The following C22orf15 variants were observed in gnomAD, a reference collection of about 807,000 sequenced individuals.
C22orf15 encodes chromosome 22 open reading frame 15.
In C22orf15, 21 loss-of-function variants were observed where a neutral mutation model predicts 20.3. The ratio of observed to expected loss-of-function variants is 1.04; its 90% CI spans 0.74 to 1.49. The LOEUF is 1.49. Ranked by LOEUF, C22orf15 falls within the 40% of genes most tolerant of loss-of-function variation. The pLI is 0.00. For synonymous variants in C22orf15, 78 were observed against 75.4 expected, an observed-to-expected ratio of 1.03 and a Z score of -0.18; for missense variants, 170 against 191.1, an observed-to-expected ratio of 0.89 and a Z score of 0.65.
chr22:23,763,184 C>G lies in C22orf15; in HGVS notation c.-123C>G, dbSNP rs902152733. 2 of 1,348,722 alleles carry G rather than the reference C, an allele frequency of 1.5e-6. No homozygotes were observed. Among genetic ancestry groups the G allele is most frequent in the Admixed American group, 4.3e-5 (2 of 46,202 alleles). The allele number at this position is 1,348,722 out of a possible 1,614,324, so 83.5% of individuals were successfully genotyped here. ...CCTGGGACCCAGCCATCCACACTCA[C>G]ACATCCACTTCTCCCTCCAGAGCCC... On this transcript the variant is annotated 5_prime_UTR_variant, in exon 1 of 6. Coordinates refer to ENST00000402217, the MANE Select transcript of C22orf15 (RefSeq NM_182520.3).
In C22orf15 at chr22:23,765,109, C is replaced by A. The variant is rs934745403; in HGVS notation, c.435+207C>A. Reference sequence around the variant, plus strand: ...CCTGAGACAGGTCCCCACCACCCCACGGGAGTGCCAGCGCACTAAGGGCCG... The same window carrying A: ...CCTGAGACAGGTCCCCACCACCCCAAGGGAGTGCCAGCGCACTAAGGGCCG... On this transcript the variant is annotated intron_variant, in intron 5 of 5. Coordinates refer to ENST00000402217, the MANE Select transcript of C22orf15 (RefSeq NM_182520.3). The A allele has an allele frequency of 8.3e-6, 12 of 1,437,128 alleles. No individual in the cohort carries two copies. The African/African-American group carries it at 1.6e-4, about 19-fold the overall frequency. The allele number at this position is 1,437,128 out of a possible 1,614,324, so 89.0% of individuals were successfully genotyped here.
rs553084253 is a variant in C22orf15, at chr22:23,763,269, G to A, written c.-38G>A. On this transcript the variant is annotated 5_prime_UTR_variant, in exon 1 of 6. Coordinates refer to ENST00000402217, the MANE Select transcript of C22orf15 (RefSeq NM_182520.3). The stretch of plus-strand genomic sequence containing the variant: ...TTAGTTGGGGAATCGAGAGTTGGGG[G>A]ATCAAAGCCCCCCACATCTCCCTCA... 1.2e-5 allele frequency: 19 copies of A among 1,549,802 alleles called. No homozygotes were observed. In the South Asian group the frequency reaches 2.1e-4, roughly 18 times the overall value.
Position 23,765,298 on chromosome 22 carries a change from C to T in C22orf15, c.435+396C>T, listed in dbSNP as rs1926592688. 5 of 1,532,960 alleles carry T rather than the reference C, an allele frequency of 3.3e-6. No homozygotes were observed. In the Admixed American group the frequency reaches 8.0e-5, roughly 24 times the overall value. 95.0% of individuals were successfully genotyped at this position (1,532,960 alleles called of 1,614,324 possible). ...TCTTCCATTCTGGCAGGCTTGGGGA[C>T]CTGGCACACTACTGCCAACTAGCCA... On this transcript the variant is annotated intron_variant, in intron 5 of 5. Coordinates refer to ENST00000402217, the MANE Select transcript of C22orf15 (RefSeq NM_182520.3).
Position 23,763,235 on chromosome 22 carries a change from C to T in C22orf15, c.-72C>T. On this transcript the variant is annotated 5_prime_UTR_variant, in exon 1 of 6. It adds an upstream start codon to the 5' untranslated region. Coordinates refer to ENST00000402217, the MANE Select transcript of C22orf15 (RefSeq NM_182520.3). The stretch of plus-strand genomic sequence containing the variant: ...GGCCCTGAAGCAGGTCTCTGCTCCA[C>T]GCTTTTCCTTAGTTGGGGAATCGAG... The T allele has an allele frequency of 6.5e-7, 1 of 1,543,158 alleles. No homozygotes were observed. The highest frequency in any genetic ancestry group is 8.8e-7 in the Non-Finnish European group (1 of 1,141,164).
chr22:23,765,394 C>T (rs979358691), intron 5 of C22orf15: 4 of 1,550,966 alleles, frequency 2.6e-6, no homozygotes, highest in Non-Finnish European at 3.5e-6. Flanking sequence ...CAGACAACAA[C>T]CCAGCAGGAC....
At position 23,764,859 on chromosome 22, in the gene C22orf15, G is replaced by T. The variant is rs779027015; in HGVS notation, c.392G>T (p.Arg131Leu). The change falls in exon 5 of 6, where the codon CGG becomes CTG. Residue 131 changes from arginine (R) to leucine (L), a missense_variant. Transcript: ENST00000402217. ...AACTGGAGGAAGCGTATGGGCACTC[G>T]GCGAGGCCGCCATGAGCAAAGCCCC... The part of the protein sequence containing the change: ...GHNWRKRMGT[R>L]RGRHEQSPTS... 1.9e-6 allele frequency: 3 copies of T among 1,613,554 alleles called. No homozygotes were observed. The highest frequency in any genetic ancestry group is 2.7e-5 in the African/African-American group (2 of 74,940).
At chr22:23,763,368 G>A (rs1926024063) in intron 1 of C22orf15, 37 bp downstream of exon 1, 3 of 1,541,118 alleles carry the variant, frequency 1.9e-6, no homozygotes, top group African/African-American at 1.4e-5. Flanking sequence ...GCGGATAGGG[G>A]GATGAGCACA....
chr22:23,764,348 C>A lies in C22orf15; in HGVS notation c.201C>A (p.Gly67=), dbSNP rs1489717663. The A allele has an allele frequency of 6.4e-7, 1 of 1,551,710 alleles. No homozygotes were observed. The highest frequency in any genetic ancestry group is 8.7e-7 in the Non-Finnish European group (1 of 1,147,036). The change falls in exon 3 of 6, where the codon GGC becomes GGA. Residue 67 remains glycine (G), a synonymous_variant. Transcript: ENST00000402217. Reference sequence around the variant, plus strand: ...GGGCTTCCCGGGCCCAGACCATGGGCAACTCCCTACTGAAGGAGCGAGCCA... The same window carrying A: ...GGGCTTCCCGGGCCCAGACCATGGGAAACTCCCTACTGAAGGAGCGAGCCA... The part of the protein sequence containing the change: ...KEGASRAQTM[G]NSLLKERAIY...
In C22orf15 at chr22:23,764,888, T is replaced by A; in HGVS notation, c.421T>A (p.Ser141Thr). The change falls in exon 5 of 6, where the codon TCA becomes ACA. Residue 141 changes from serine to threonine, a missense_variant. By Grantham distance (58) the Ser-to-Thr change is moderately conservative. Transcript: ENST00000402217. ...RRGRHEQSPT[S>T]RPRKGPD ...AGGCCGCCATGAGCAAAGCCCCACT[T>A]CAAGGCCCAGAAAGGTGAGCTCCCT... is the stretch of plus-strand genomic sequence containing the variant. 1 of 1,612,192 alleles carries A rather than the reference T, an allele frequency of 6.2e-7. No homozygotes were observed. Among genetic ancestry groups the A allele is most frequent in the Non-Finnish European group, 8.5e-7 (1 of 1,179,170 alleles).
intron 1 of C22orf15, 51 bp downstream of exon 1, chr22:23,763,382 A>T (rs1601336973): frequency 6.6e-7 from 1 of 1,514,018 alleles, no homozygotes; most frequent in African/African-American, 1.4e-5. Context: ...GAGCACACTC[A>T]GAGGCGTGCT....
chr22:23,765,252 C>T (rs1223830524), intron 5 of C22orf15: 5 of 1,490,384 alleles, frequency 3.4e-6, no homozygotes, highest in Admixed American at 4.3e-5. Context: ...GCACGGCCCA[C>T]ACTGGGTTTG....
At chr22:23,763,629 C>T (rs951411150) in intron 1 of C22orf15, among the ~76,000 whole-genome samples, 1 of 152,250 alleles carries the variant, frequency 6.6e-6, no homozygotes, top group Non-Finnish European at 1.5e-5. Flanking sequence ...CCATTCAATC[C>T]GTGATCCTCA....
In C22orf15 at chr22:23,764,252, C is replaced by G. The variant is rs1259810829; in HGVS notation, c.113-8C>G. 1 of 1,551,510 alleles carries G rather than the reference C, an allele frequency of 6.4e-7. No homozygotes were observed. Among genetic ancestry groups the G allele is most frequent in the Admixed American group, 2.0e-5 (1 of 50,970 alleles). ...AGCCCTGCCCAGTCTCTCTCCATGT[C>G]CTCCCAGCGACCATTGCTCTCCTGG... On this transcript the variant is annotated splice_polypyrimidine_tract_variant and splice_region_variant and intron_variant, in intron 2 of 5. Coordinates refer to ENST00000402217, the MANE Select transcript of C22orf15 (RefSeq NM_182520.3).
At chr22:23,764,594 ATTAGGCCAGTCAGGTGTCC>A in intron 3 of C22orf15, 26 bp from the exon 4 acceptor site, 1 of 1,603,144 alleles carries the variant, frequency 6.2e-7, no homozygotes, top group Non-Finnish European at 8.5e-7. Context: ...AGTAGGGACC[ATTAGGCCAGTCAGGTGTCC>A]TTCATCGTCT....
rs770644333 is a variant in C22orf15, at chr22:23,763,323, T to C, written c.17T>C (p.Met6Thr). Residue 6 changes from methionine (M) to threonine (T), a missense_variant, in exon 1 of 6, where the codon ATG becomes ACG. Met to Thr is a moderately conservative substitution (Grantham distance 81). Transcript: ENST00000402217. ...GCTGCAGCTATGTTTATCAAGGTGATGTTTGGGGGTAAGTGGGGTCCCCTG... is the reference window on the plus strand; with the variant it reads ...GCTGCAGCTATGTTTATCAAGGTGACGTTTGGGGGTAAGTGGGGTCCCCTG... MFIKV[M>T]FGAGCSVLVN... is the part of the protein sequence containing the mutation. The C allele has an allele frequency of 2.6e-6, 4 of 1,549,034 alleles. No homozygotes were observed. The highest frequency in any genetic ancestry group is 3.5e-6 in the Non-Finnish European group (4 of 1,146,070).
At position 23,764,865 on chromosome 22, in the gene C22orf15, G is replaced by T; in HGVS notation, c.398G>T (p.Gly133Val). ...NWRKRMGTRR[G>V]RHEQSPTSRP... is the part of the protein sequence containing the mutation. Reference sequence around the variant, plus strand: ...AGGAAGCGTATGGGCACTCGGCGAGGCCGCCATGAGCAAAGCCCCACTTCA... The same window carrying T: ...AGGAAGCGTATGGGCACTCGGCGAGTCCGCCATGAGCAAAGCCCCACTTCA... The change falls in exon 5 of 6, where the codon GGC becomes GTC. Residue 133 changes from glycine (G) to valine (V), a missense_variant. Gly to Val is a moderately radical substitution (Grantham distance 109, BLOSUM62 -3). Coordinates refer to ENST00000402217, the MANE Select transcript of C22orf15 (RefSeq NM_182520.3). 4 of 1,613,470 alleles carry T rather than the reference G, an allele frequency of 2.5e-6. No individual in the cohort carries two copies. The highest frequency in any genetic ancestry group is 3.4e-6 in the Non-Finnish European group (4 of 1,179,864).
rs7291060 is a variant in C22orf15 at position 23,764,499 on chromosome 22, C to T, written c.250+102C>T. 3.9e-3 allele frequency: 6,041 copies of T among 1,567,332 alleles called. 184 individuals carry two copies. The African/African-American group carries it at 0.071, about 18-fold the overall frequency. ...CAAGGCCCTGTCCGGCCTCCCACCT[C>T]GGCTGGGGACCTAGCCCCAATCCAT... On this transcript the variant is annotated intron_variant, in intron 3 of 5. Coordinates refer to ENST00000402217, the MANE Select transcript of C22orf15 (RefSeq NM_182520.3).
rs1925976627 is a variant in C22orf15 at position 23,763,066 on chromosome 22, G to C, written c.-241G>C. 1 of 547,212 alleles carries C rather than the reference G, an allele frequency of 1.8e-6. No homozygotes were observed. Among genetic ancestry groups the C allele is most frequent in the Non-Finnish European group, 3.2e-6 (1 of 316,182 alleles). The allele number at this position is 547,212 out of a possible 1,614,324, so 33.9% of individuals were successfully genotyped here. On this transcript the variant is annotated 5_prime_UTR_variant, in exon 1 of 6. Coordinates refer to ENST00000402217, the MANE Select transcript of C22orf15 (RefSeq NM_182520.3). ...CTGCTGTGGCCCAGGGCTCAGTGGG[G>C]AGGAAGAGGAGGCCAGGAGTCTTGG...
chr22:23,765,596 C>T, intron 5 of C22orf15, 125 bp from the exon 6 acceptor site: 3 of 1,515,778 alleles, frequency 2.0e-6, no homozygotes, highest in Non-Finnish European at 2.7e-6. Flanking sequence ...GGGATTCCAC[C>T]CTCAGAGTCA....
Sources: allele counts gnomAD v4.1 joint callset (sites outside exome capture counted in the v4.1 genomes callset), GRCh38; gene constraint gnomAD v4.1.1; transcripts MANE v1.5; gene names NCBI Gene and HGNC (gene_info 2026-07-23, HGNC 2026-07-21).